Variants in SESN3 observed in about 807,000 individuals in gnomAD.
SESN3 encodes sestrin-3.
In SESN3, 21 loss-of-function variants were observed where a neutral mutation model predicts 55.3. The observed-to-expected ratio is 0.38, with a 90% CI of 0.27 to 0.55. The LOEUF (loss-of-function observed/expected upper bound fraction) is 0.55. Among genes scored for constraint, SESN3 ranks in the 20% least tolerant of loss-of-function variants. The pLI is 0.76. For synonymous variants in SESN3, 181 were observed against 203.1 expected (o/e 0.89, Z 0.93); for missense variants, 408 against 604.3 (o/e 0.68, Z 3.41).
At chr11:95,214,348 C>T (rs1395050319) in intron 1 of SESN3, among the ~76,000 whole-genome samples, 2 of 152,172 alleles carry the variant, frequency 1.3e-5, no homozygotes, top group Non-Finnish European at 2.9e-5. Context: ...ATGAGGAAAA[C>T]ACCCATTACC....
chr11:95,174,379 C>T (rs1320487016), intron 9 of SESN3, among the ~76,000 whole-genome samples: 3 of 152,094 alleles, frequency 2.0e-5, no homozygotes, highest in Non-Finnish European at 2.9e-5. Context: ...CTTCATGTTG[C>T]CTATATATTT....
chr11:95,222,973 G>A (rs1220681455), intron 1 of SESN3, among the ~76,000 whole-genome samples: 3 of 152,044 alleles, frequency 2.0e-5, no homozygotes, highest in East Asian at 1.9e-4. Context: ...CTTCCTCCCC[G>A]CCATCTGTAC....
chr11:95,229,158 A>AT (rs375399855), intron 1 of SESN3, among the ~76,000 whole-genome samples: 2 of 152,200 alleles, frequency 1.3e-5, no homozygotes, highest in African/African-American at 2.4e-5. Flanking sequence ...TAAATGACAC[A>AT]TTTTTTCATG....
intron 1 of SESN3, among the ~76,000 whole-genome samples, chr11:95,201,831 T>G (rs922584183): frequency 6.6e-6 from 1 of 151,920 alleles, no homozygotes; most frequent in Non-Finnish European, 1.5e-5. Flanking sequence ...TGCCACAGAG[T>G]GATGTAAATC....
rs1241248802 is a variant in SESN3, at chr11:95,166,433, C to T, written c.*6822G>A. ...ACATTTCACAGCATGCTACATATATCGCTCACAACTTAAGGATAAATGTCT... is the reference window on the plus strand; with the variant it reads ...ACATTTCACAGCATGCTACATATATTGCTCACAACTTAAGGATAAATGTCT... On this transcript the variant is annotated 3_prime_UTR_variant, in exon 10 of 10. Transcript: ENST00000536441. 2 of 152,138 alleles carry T rather than the reference C, an allele frequency of 1.3e-5. No individual in the cohort carries two copies. Among genetic ancestry groups the T allele is most frequent in the Admixed American group, 6.5e-5 (1 of 15,272 alleles). The allele number at this position is 152,138 out of a possible 1,614,324, so 9.4% of individuals were successfully genotyped here. A position where few individuals can be genotyped will look rare whatever the true frequency, so the allele number is the denominator to read the frequency against.
rs905076463 is a variant in SESN3 at position 95,230,917 on chromosome 11, G to A, written c.-57C>T. 1 of 1,239,252 alleles carries A rather than the reference G, an allele frequency of 8.1e-7. No homozygotes were observed. Among genetic ancestry groups the A allele is most frequent in the African/African-American group, 1.6e-5 (1 of 63,424 alleles). The allele number at this position is 1,239,252 out of a possible 1,614,324, so 76.8% of individuals were successfully genotyped here. On this transcript the variant is annotated 5_prime_UTR_variant, in exon 1 of 10. Coordinates refer to ENST00000536441, the MANE Select transcript of SESN3 (RefSeq NM_144665.4). This position sits in a 1 kb window ranked among gnomAD's most constrained non-coding sequence, Gnocchi z 4.6. ...GGAGGGCCGGGTCCGGGCTGTCACT[G>A]CGGCCACTGCAGGGCCGGTCCGTCC...
In SESN3 at chr11:95,224,798, T is replaced by A. The variant is rs1433711273; in HGVS notation, c.78+5985A>T. Among the ~76,000 whole-genome samples the A allele has an allele frequency of 2.0e-5, 3 of 152,214 alleles. No individual in the cohort carries two copies. The East Asian group carries it at 5.8e-4, about 29-fold the overall frequency. On this transcript the variant is annotated intron_variant, in intron 1 of 9. Transcript: ENST00000536441. ...TTTTCAGGGTCATACTACTCATTTA[T>A]AAGATAATGTTTATCAAATGCCCAG...
chr11:95,231,871 A>C (rs981611471), upstream of SESN3: 5 of 152,120 alleles, frequency 3.3e-5, no homozygotes, highest in African/African-American at 1.2e-4. Flanking sequence ...ATAGGGGATA[A>C]ATGTCTGAGT....
chr11:95,193,376 C>CA, intron 2 of SESN3, 81 bp downstream of exon 2: 1 of 816,766 alleles, frequency 1.2e-6, no homozygotes, highest in South Asian at 1.5e-5. Flanking sequence ...TTCCTACTTT[C>CA]ATATTAACAG....
intron 1 of SESN3, among the ~76,000 whole-genome samples, chr11:95,213,005 T>C (rs1219695650): frequency 6.6e-6 from 1 of 152,222 alleles, no homozygotes; most frequent in Non-Finnish European, 1.5e-5. Context: ...AATATGTGTT[T>C]ATTGCTAAAA....
intron 1 of SESN3, among the ~76,000 whole-genome samples, chr11:95,213,941 GA>G (rs1385008381): frequency 6.6e-6 from 1 of 151,854 alleles, no homozygotes; most frequent in South Asian, 2.1e-4. Context: ...AAAGAAAAAA[GA>G]AAAAAAGATA....
intron 1 of SESN3, among the ~76,000 whole-genome samples, chr11:95,228,572 GTTATT>G (rs1416599038): frequency 1.3e-5 from 2 of 152,094 alleles, no homozygotes; most frequent in African/African-American, 2.4e-5. Flanking sequence ...ACTTTTCATT[GTTATT>G]TTAAGAATGA....
At position 95,202,148 on chromosome 11, in the gene SESN3, T is replaced by C. The variant is rs139407436; in HGVS notation, c.79-8626A>G. On this transcript the variant is annotated intron_variant, in intron 1 of 9. Transcript: ENST00000536441. The stretch of plus-strand genomic sequence containing the variant: ...GCTATTAACATATATCATTATCTTA[T>C]TGCTCCTTTCAGACTATAAGCTCCT... 6.0e-4 allele frequency among the ~76,000 whole-genome samples: 92 copies of C among 152,172 alleles called. 1 individual carries two copies. Among genetic ancestry groups the C allele is most frequent in the African/African-American group, 1.8e-3 (76 of 41,564 alleles).
In SESN3 at chr11:95,230,799, C is replaced by A; in HGVS notation, c.62G>T (p.Arg21Leu). The change falls in exon 1 of 10, where the codon CGG becomes CTG. Residue 21 changes from arginine to leucine, a missense_variant. Coordinates refer to ENST00000536441, the MANE Select transcript of SESN3 (RefSeq NM_144665.4). The surrounding 1 kb of genome is among the most constrained non-coding windows in gnomAD (Gnocchi z 4.6). ...AACCCGTACCTTCCGCAGCACTTTC[C>A]GGCAGTTGGTACAGAGCAGGTAGTT... ...AANYLLCTNC[R>L]KVLRKDKRIR... The A allele has an allele frequency of 6.2e-7, 1 of 1,601,206 alleles. No homozygotes were observed. Among genetic ancestry groups the A allele is most frequent in the Non-Finnish European group, 8.5e-7 (1 of 1,173,862 alleles).
chr11:95,182,958 G>C (rs935031980), intron 6 of SESN3, among the ~76,000 whole-genome samples: 2 of 152,042 alleles, frequency 1.3e-5, no homozygotes, highest in African/African-American at 4.8e-5. Context: ...AGAGCCAAGG[G>C]CTGCAGGCAT....
intron 1 of SESN3, among the ~76,000 whole-genome samples, chr11:95,196,285 A>G (rs950772408): frequency 2.0e-5 from 3 of 152,156 alleles, no homozygotes; most frequent in African/African-American, 7.2e-5. Flanking sequence ...TGCTCTGTCT[A>G]TTCATAGGAA....
intron 1 of SESN3, among the ~76,000 whole-genome samples, chr11:95,206,803 T>TTC (rs1491203355): frequency 7.3e-6 from 1 of 136,236 alleles, no homozygotes; most frequent in African/African-American, 3.2e-5. Context: ...AACATTACTA[T>TTC]TTTTTTTTTT....
At chr11:95,200,358 A>T (rs1860439517) in intron 1 of SESN3, among the ~76,000 whole-genome samples, 1 of 152,108 alleles carries the variant, frequency 6.6e-6, no homozygotes, top group South Asian at 2.1e-4. Context: ...TCCAAGAGAT[A>T]ATTTTTAAAA....
At chr11:95,231,932 C>T (rs1861078378), upstream of SESN3, 1 of 152,076 alleles carries the variant, frequency 6.6e-6, no homozygotes, top group Non-Finnish European at 1.5e-5. Context: ...GACACAAAAC[C>T]TCTGGTTTAG....
Sources: allele counts gnomAD v4.1 joint callset (sites outside exome capture counted in the v4.1 genomes callset), GRCh38; gene constraint gnomAD v4.1.1; non-coding constraint Gnocchi (gnomAD v3.1); transcripts MANE v1.5; gene names NCBI Gene and HGNC (gene_info 2026-07-23, HGNC 2026-07-21).